SGCZ: variants seen among roughly 807,000 people sequenced by gnomAD.
The protein encoded by SGCZ is zeta-sarcoglycan.
SGCZ carries 40 observed loss-of-function variants against 41.3 expected under a neutral mutation model. The observed-to-expected ratio is 0.97, with a 90% CI of 0.75 to 1.26. The LOEUF (loss-of-function observed/expected upper bound fraction) is 1.26. Among genes scored for constraint, SGCZ ranks in the 50% most tolerant of loss-of-function variants. The pLI, the probability that SGCZ is intolerant of heterozygous loss-of-function variation, is 0.00. For missense variants in SGCZ, 552 were observed against 369.8 expected, an observed-to-expected ratio of 1.49 and a Z score of -4.04; for synonymous variants, 206 against 137.5, an observed-to-expected ratio of 1.50 and a Z score of -3.49.
chr8:15,193,271 C>T (rs915673899), intron 1 of SGCZ, among the ~76,000 whole-genome samples: 3 of 152,006 alleles, frequency 2.0e-5, no homozygotes, highest in African/African-American at 7.3e-5. Flanking sequence ...TGGAAAGTTG[C>T]TTGAATATAT....
intron 1 of SGCZ, among the ~76,000 whole-genome samples, chr8:14,705,264 T>C (rs776304986): frequency 1.2e-4 from 18 of 152,080 alleles, no homozygotes; most frequent in Non-Finnish European, 2.9e-5. Flanking sequence ...TTAAGAACAA[T>C]CAGTATAGGC....
chr8:14,796,173 C>G (rs1801122611), intron 1 of SGCZ, among the ~76,000 whole-genome samples: 1 of 152,150 alleles, frequency 6.6e-6, no homozygotes, highest in Non-Finnish European at 1.5e-5. Context: ...GGTTTATATT[C>G]ATTTGGGTAT....
chr8:15,037,947 T>G lies in SGCZ; in HGVS notation c.39+199638A>C, dbSNP rs150277244. Among the ~76,000 whole-genome samples, 151 of 152,082 alleles carry G rather than the reference T, an allele frequency of 9.9e-4. 3 individuals are homozygous for G. In the East Asian group the frequency reaches 0.027, roughly 27 times the overall value. Reference sequence around the variant, plus strand: ...TATACTGAAAATTATAAAACATTGATGAAAGAAATTAGAAACACAAACATA... The same window carrying G: ...TATACTGAAAATTATAAAACATTGAGGAAAGAAATTAGAAACACAAACATA... On this transcript the variant is annotated intron_variant, in intron 1 of 7. Coordinates refer to ENST00000382080, the MANE Select transcript of SGCZ (RefSeq NM_139167.4).
At chr8:14,802,671 A>T (rs912665663) in intron 1 of SGCZ, among the ~76,000 whole-genome samples, 5 of 152,226 alleles carry the variant, frequency 3.3e-5, no homozygotes, top group African/African-American at 1.2e-4. Flanking sequence ...TTTCCTCCCC[A>T]AAACTAAATA....
chr8:14,337,371 C>T (rs1053472306), intron 2 of SGCZ, among the ~76,000 whole-genome samples: 21 of 152,168 alleles, frequency 1.4e-4, no homozygotes, highest in African/African-American at 4.3e-4. Context: ...CAGCAGGTAT[C>T]AGCAAGACGA....
At chr8:14,102,354 G>A in intron 7 of SGCZ, 22 bp downstream of exon 7, 1 of 1,450,492 alleles carries the variant, frequency 6.9e-7, no homozygotes, top group African/African-American at 1.4e-5. Flanking sequence ...ATAGGGCGAG[G>A]GTCCAACTTT....
intron 1 of SGCZ, among the ~76,000 whole-genome samples, chr8:14,650,658 T>G (rs13259984): frequency 0.19 from 29,494 of 151,976 alleles, 3,705 homozygotes; most frequent in Non-Finnish European, 0.29. Flanking sequence ...GCTTCAATTC[T>G]TAGCTGAGAG....
Position 14,528,827 on chromosome 8 carries a change from C to CAAAAAAAAAAAA in SGCZ, c.234+25904_234+25905insTTTTTTTTTTTT, listed in dbSNP as rs760788606. ...TAATAACACAACATCACGGACCAGC[C>CAAAAAAAAAAAA]AAAAAAAAAACAAAACAAAAACAAA... On this transcript the variant is annotated intron_variant, in intron 2 of 7. Transcript: ENST00000382080. Among the ~76,000 whole-genome samples the CAAAAAAAAAAAA allele has an allele frequency of 1.9e-4, 10 of 52,694 alleles. 1 individual carries two copies. The highest frequency in any genetic ancestry group is 1.1e-3 in the African/African-American group (10 of 9,336). The allele number at this position is 52,694 out of a possible 152,430, so 34.6% of individuals were successfully genotyped here. A position where few individuals can be genotyped will look rare whatever the true frequency, so the allele number is the denominator to read the frequency against.
intron 1 of SGCZ, among the ~76,000 whole-genome samples, chr8:14,810,794 C>T (rs1039114920): frequency 6.6e-6 from 1 of 151,944 alleles, no homozygotes. Flanking sequence ...TGTTTATTTA[C>T]TTGTTTGTTT....
At chr8:14,578,351 C>T (rs1312263790) in intron 1 of SGCZ, among the ~76,000 whole-genome samples, 1 of 152,316 alleles carries the variant, frequency 6.6e-6, no homozygotes, top group Non-Finnish European at 1.5e-5. Flanking sequence ...CACCAGTTAT[C>T]AGCAGACCAG....
intron 1 of SGCZ, among the ~76,000 whole-genome samples, chr8:15,062,990 G>A (rs1804993031): frequency 6.6e-6 from 1 of 152,042 alleles, no homozygotes; most frequent in South Asian, 2.1e-4. Context: ...TGTTTAAAAT[G>A]GTACTCACAG....
At chr8:14,211,418 C>T (rs781360436) in intron 4 of SGCZ, among the ~76,000 whole-genome samples, 96 of 152,290 alleles carry the variant, frequency 6.3e-4, no homozygotes, top group Admixed American at 4.3e-3. Flanking sequence ...CAGCAAAGGA[C>T]CTCAGGCGAG....
chr8:14,315,488 G>T (rs1209306395), intron 3 of SGCZ, among the ~76,000 whole-genome samples: 1 of 151,894 alleles, frequency 6.6e-6, no homozygotes, highest in Non-Finnish European at 1.5e-5. Flanking sequence ...AAGGGGATAA[G>T]GATAAAAAAC....
chr8:14,404,371 G>A lies in SGCZ; in HGVS notation c.235-80167C>T, dbSNP rs149517550. Among the ~76,000 whole-genome samples the A allele has an allele frequency of 1.5e-4, 23 of 152,100 alleles. No homozygotes were observed. In the East Asian group the frequency reaches 4.4e-3, roughly 29 times the overall value. ...ACAATTCTTAGTGTAAATGCAACATGTCCTCTTTAAAGGAGACTGTATTCA... is the reference window on the plus strand; with the variant it reads ...ACAATTCTTAGTGTAAATGCAACATATCCTCTTTAAAGGAGACTGTATTCA... On this transcript the variant is annotated intron_variant, in intron 2 of 7. Coordinates refer to ENST00000382080, the MANE Select transcript of SGCZ (RefSeq NM_139167.4).
At chr8:14,217,635 T>G (rs962930068) in intron 4 of SGCZ, among the ~76,000 whole-genome samples, 138 of 128,630 alleles carry the variant, frequency 1.1e-3, no homozygotes, top group Non-Finnish European at 1.7e-3. Flanking sequence ...AAAGTTTTTT[T>G]TTTTTTTTTT....
In SGCZ at chr8:14,088,849, C is replaced by G. The variant is rs567897969; in HGVS notation, c.*1594G>C. ...CTAACCACATCTTTTGCAACAAGTT[C>G]TAATCTCCCAGTTCACTCTGAGCTG... On this transcript the variant is annotated 3_prime_UTR_variant, in exon 8 of 8. Coordinates refer to ENST00000382080, the MANE Select transcript of SGCZ (RefSeq NM_139167.4). Among the ~76,000 whole-genome samples, 1 of 151,874 alleles carries G rather than the reference C, an allele frequency of 6.6e-6. No individual in the cohort carries two copies. Among genetic ancestry groups the G allele is most frequent in the Admixed American group, 6.6e-5 (1 of 15,216 alleles).
chr8:14,104,507 TAA>T (rs780172651), intron 6 of SGCZ, among the ~76,000 whole-genome samples: 5 of 152,084 alleles, frequency 3.3e-5, no homozygotes, highest in Admixed American at 6.6e-5. Context: ...TAAAACAACC[TAA>T]GTTGCAAGAG....
At chr8:14,261,409 A>T (rs1231761006) in intron 3 of SGCZ, among the ~76,000 whole-genome samples, 1 of 152,186 alleles carries the variant, frequency 6.6e-6, no homozygotes, top group Non-Finnish European at 1.5e-5. Context: ...TCTTGTTGTT[A>T]AAGAATTACC....
chr8:14,158,343 G>A (rs1415371617), intron 5 of SGCZ, among the ~76,000 whole-genome samples: 3 of 152,060 alleles, frequency 2.0e-5, no homozygotes, highest in Non-Finnish European at 4.4e-5. Flanking sequence ...CTTAAAATAG[G>A]AAGTTTATCC....
Sources: gnomAD v4.1 joint callset for allele counts (sites outside exome capture counted in the v4.1 genomes callset) on GRCh38, gnomAD v4.1.1 for gene constraint, MANE v1.5 for transcripts, NCBI Gene and HGNC (gene_info 2026-07-23, HGNC 2026-07-21) for gene names.